The following R3HDM1 variants were observed in gnomAD, a reference collection of about 807,000 sequenced individuals.
R3HDM1 encodes the protein R3H domain-containing protein 1.
Under a neutral mutation model 141.1 loss-of-function variants are expected in R3HDM1, and 46 were observed. The observed-to-expected ratio is 0.33, with a 90% confidence interval of 0.26 to 0.42. The LOEUF is 0.42. R3HDM1 is among the 10% of genes least tolerant of loss of function. The pLI, the probability that R3HDM1 is intolerant of heterozygous loss-of-function variation, is 1.00. For missense variants in R3HDM1, 1,184 were observed against 1,368.3 expected, an observed-to-expected ratio of 0.87 and a Z score of 2.12; for synonymous variants, 435 against 472.9, an observed-to-expected ratio of 0.92 and a Z score of 1.04.
intron 1 of R3HDM1, chr2:135,581,119 C>T (rs1259638053): frequency 2.2e-6 from 2 of 894,146 alleles, no homozygotes; most frequent in Non-Finnish European, 1.3e-6. Flanking sequence ...GCAGCAGAAC[C>T]ATTTTAAAGG....
chr2:135,531,679 G>A, intron 1 of R3HDM1, 46 bp downstream of exon 1: 4 of 986,074 alleles, frequency 4.1e-6, no homozygotes, highest in Non-Finnish European at 4.8e-6. Flanking sequence ...CGGGAATAAC[G>A]CGCCTTGCTC....
chr2:135,629,239 C>T (rs1196438683), intron 7 of R3HDM1, among the ~76,000 whole-genome samples: 1 of 152,006 alleles, frequency 6.6e-6, no homozygotes, highest in Non-Finnish European at 1.5e-5. Context: ...TCGCTTGAAC[C>T]CGGGAGGCAG....
chr2:135,686,784 C>A (rs2071419324), intron 21 of R3HDM1, among the ~76,000 whole-genome samples: 1 of 152,112 alleles, frequency 6.6e-6, no homozygotes, highest in Non-Finnish European at 1.5e-5. Context: ...CATTATTTAG[C>A]CTTTAAAGAT....
intron 1 of R3HDM1, among the ~76,000 whole-genome samples, chr2:135,560,647 A>G (rs1701632423): frequency 6.6e-6 from 1 of 152,224 alleles, no homozygotes; most frequent in African/African-American, 2.4e-5. Context: ...TATAGTTGAA[A>G]TATTTAGAAT....
At chr2:135,558,662 A>G (rs1701221462) in intron 1 of R3HDM1, among the ~76,000 whole-genome samples, 1 of 152,324 alleles carries the variant, frequency 6.6e-6, no homozygotes, top group Middle Eastern at 3.4e-3. Context: ...ATTTTATTGA[A>G]CATCTTTGGA....
At chr2:135,568,426 T>C (rs1703290251) in intron 1 of R3HDM1, among the ~76,000 whole-genome samples, 1 of 152,078 alleles carries the variant, frequency 6.6e-6, no homozygotes. Context: ...CTCCGCTCAC[T>C]GCATCCTCCA....
chr2:135,663,754 C>T (rs934486265), intron 19 of R3HDM1, among the ~76,000 whole-genome samples: 5 of 152,210 alleles, frequency 3.3e-5, no homozygotes, highest in South Asian at 2.1e-4. Flanking sequence ...AGGCCAGGCA[C>T]GGTGGCTCAC....
At chr2:135,576,746 T>G (rs904482816) in intron 1 of R3HDM1, among the ~76,000 whole-genome samples, 4 of 152,146 alleles carry the variant, frequency 2.6e-5, no homozygotes, top group African/African-American at 9.7e-5. Context: ...AATAAAGCAG[T>G]CACAAAAGGC....
At chr2:135,596,880 T>C (rs1210159166) in intron 1 of R3HDM1, 1 of 323,452 alleles carries the variant, frequency 3.1e-6, no homozygotes, top group Non-Finnish European at 4.4e-6. Context: ...CATGTCCCTT[T>C]GTATAAGGCG....
chr2:135,554,542 G>A (rs550356615), intron 1 of R3HDM1, among the ~76,000 whole-genome samples: 10 of 152,222 alleles, frequency 6.6e-5, no homozygotes, highest in South Asian at 6.2e-4. Context: ...AGAATTGCTG[G>A]GTCATATTGG....
chr2:135,597,662 T>C (rs1321543584), intron 1 of R3HDM1, among the ~76,000 whole-genome samples: 3 of 152,192 alleles, frequency 2.0e-5, no homozygotes, highest in Admixed American at 6.5e-5. Flanking sequence ...TGAAACGGGA[T>C]TGGATAACTA....
At chr2:135,700,712 G>C (rs1575116485) in intron 21 of R3HDM1, among the ~76,000 whole-genome samples, 1 of 152,124 alleles carries the variant, frequency 6.6e-6, no homozygotes. Context: ...AAAATAATTT[G>C]AAATAGCAGC....
At chr2:135,689,679 T>C (rs915871588) in intron 21 of R3HDM1, among the ~76,000 whole-genome samples, 5 of 152,204 alleles carry the variant, frequency 3.3e-5, no homozygotes, top group African/African-American at 1.2e-4. Context: ...TTGGATTGTG[T>C]TGTTACTTAT....
intron 21 of R3HDM1, among the ~76,000 whole-genome samples, chr2:135,698,490 G>A (rs1408918885): frequency 2.0e-5 from 3 of 152,046 alleles, no homozygotes; most frequent in African/African-American, 7.2e-5. Context: ...TACTAGCAAT[G>A]TTCTGTTTCC....
At chr2:135,586,603 G>T in intron 1 of R3HDM1, 1 of 655,830 alleles carries the variant, frequency 1.5e-6, no homozygotes, top group Non-Finnish European at 1.9e-6. Flanking sequence ...GTTAGAGGAT[G>T]TGTGATAAAA....
chr2:135,556,549 C>T (rs1234837726), intron 1 of R3HDM1, among the ~76,000 whole-genome samples: 1 of 147,992 alleles, frequency 6.8e-6, no homozygotes, highest in African/African-American at 2.5e-5. Context: ...GATGGAGTCT[C>T]GCTCTGTCCC....
Position 135,639,046 on chromosome 2 carries a change from C to T in R3HDM1, c.1143C>T (p.Ser381=), listed in dbSNP as rs2063529684. The T allele has an allele frequency of 6.2e-7, 1 of 1,614,182 alleles. No individual in the cohort carries two copies. Among genetic ancestry groups the T allele is most frequent in the African/African-American group, 1.3e-5 (1 of 75,054 alleles). Residue 381 remains serine (S), a synonymous_variant, in exon 14 of 27, where the codon AGC becomes AGT. Coordinates refer to ENST00000683871, the MANE Select transcript of R3HDM1 (RefSeq NM_001378107.1). ...AACCTGCTGTAACCAAAGCCAGCAG[C>T]TTCAGTGGAATCTCAGTCCTGACAA... ...NLKPAVTKAS[S]FSGISVLTRG... is the part of the protein sequence containing the mutation.
intron 5 of R3HDM1, among the ~76,000 whole-genome samples, chr2:135,618,886 G>A (rs1436206043): frequency 2.0e-5 from 3 of 152,094 alleles, no homozygotes; most frequent in Non-Finnish European, 2.9e-5. Context: ...CAGGTGTGGT[G>A]GCACACGCCT....
chr2:135,621,024 A>G (rs142174308), intron 5 of R3HDM1, among the ~76,000 whole-genome samples: 2 of 152,184 alleles, frequency 1.3e-5, no homozygotes, highest in African/African-American at 2.4e-5. Flanking sequence ...ACATTTTTAT[A>G]TGGTAGGAGA....
Sources: allele counts gnomAD v4.1 joint callset (sites outside exome capture counted in the v4.1 genomes callset), GRCh38; gene constraint gnomAD v4.1.1; transcripts MANE v1.5; gene names NCBI Gene and HGNC (gene_info 2026-07-23, HGNC 2026-07-21).